NRG3: variants seen among roughly 807,000 people sequenced by gnomAD.
NRG3 encodes the protein pro-neuregulin-3, membrane-bound isoform.
Under a neutral mutation model 66.9 loss-of-function variants are expected in NRG3, and 31 were observed. The ratio of observed to expected loss-of-function variants is 0.46; its 90% CI spans 0.35 to 0.63. NRG3 has a LOEUF of 0.63. Ranked by LOEUF, NRG3 falls within the 20% of genes least tolerant of loss-of-function variation. The pLI, the probability that NRG3 is intolerant of heterozygous loss-of-function variation, is 0.00. For synonymous variants in NRG3, 393 were observed against 359.4 expected (o/e 1.09, Z -1.06); for missense variants, 910 against 878.9 (o/e 1.04, Z -0.45).
At chr10:82,555,559 A>G (rs1241968441) in intron 2 of NRG3, among the ~76,000 whole-genome samples, 1 of 152,200 alleles carries the variant, frequency 6.6e-6, no homozygotes, top group Non-Finnish European at 1.5e-5. Flanking sequence ...GTAATGGAAG[A>G]TCTAAATGGA....
At chr10:82,495,433 T>G (rs1843533805) in intron 2 of NRG3, among the ~76,000 whole-genome samples, 1 of 152,128 alleles carries the variant, frequency 6.6e-6, no homozygotes, top group African/African-American at 2.4e-5. Context: ...ATTTTTTTTT[T>G]GTCCCATATC....
chr10:82,942,169 G>A (rs1564650262), intron 4 of NRG3, among the ~76,000 whole-genome samples: 1 of 152,118 alleles, frequency 6.6e-6, no homozygotes, highest in Admixed American at 6.5e-5. Flanking sequence ...ACCTGGAGGG[G>A]ATATGGAGGT....
intron 2 of NRG3, among the ~76,000 whole-genome samples, chr10:82,668,069 CCCTT>C (rs2052943787): frequency 1.3e-5 from 2 of 152,198 alleles, no homozygotes; most frequent in South Asian, 4.1e-4. Flanking sequence ...CTCCCTCCCT[CCCTT>C]ATTTTCTTTC....
chr10:82,011,680 G>A (rs1158357695), intron 1 of NRG3, among the ~76,000 whole-genome samples: 1 of 152,142 alleles, frequency 6.6e-6, no homozygotes, highest in East Asian at 1.9e-4. Flanking sequence ...GGGAGAAATT[G>A]GCCAAAACAT....
At chr10:82,753,814 G>A (rs1256799755) in intron 3 of NRG3, among the ~76,000 whole-genome samples, 2 of 151,882 alleles carry the variant, frequency 1.3e-5, no homozygotes, top group African/African-American at 2.4e-5. Context: ...GGGCATGGTG[G>A]CACATGCATG....
At chr10:82,891,772 T>G (rs1843169288) in intron 4 of NRG3, among the ~76,000 whole-genome samples, 1 of 152,014 alleles carries the variant, frequency 6.6e-6, no homozygotes, top group South Asian at 2.1e-4. Flanking sequence ...TTTTTCTTAA[T>G]GTCTCTCTGT....
At chr10:82,058,598 G>T (rs1371093087) in intron 1 of NRG3, among the ~76,000 whole-genome samples, 3 of 151,124 alleles carry the variant, frequency 2.0e-5, no homozygotes, top group Admixed American at 2.0e-4. Context: ...GAAAAAATTA[G>T]CTTAATTTAG....
chr10:82,003,058 A>T (rs892537838), intron 1 of NRG3, among the ~76,000 whole-genome samples: 2 of 152,216 alleles, frequency 1.3e-5, no homozygotes, highest in African/African-American at 4.8e-5. Context: ...TTAGTTCAAA[A>T]GGAAGCTTAA....
chr10:81,978,317 C>G (rs2060200796), intron 1 of NRG3, among the ~76,000 whole-genome samples: 1 of 152,146 alleles, frequency 6.6e-6, no homozygotes, highest in African/African-American at 2.4e-5. Flanking sequence ...TAAATTCCTT[C>G]AATGGTGTGA....
chr10:81,983,510 T>G (rs2060411627), intron 1 of NRG3, among the ~76,000 whole-genome samples: 1 of 152,208 alleles, frequency 6.6e-6, no homozygotes, highest in Non-Finnish European at 1.5e-5. Flanking sequence ...GTCACCTAGA[T>G]CTTAGCATTA....
Position 82,358,796 on chromosome 10 carries a change from A to G in NRG3, c.881A>G (p.Asp294Gly). 1.9e-6 allele frequency: 3 copies of G among 1,614,124 alleles called. No homozygotes were observed. The highest frequency in any genetic ancestry group is 1.7e-6 in the Non-Finnish European group (2 of 1,180,022). Residue 294 changes from aspartate (D) to glycine (G), a missense_variant, in exon 2 of 9, where the codon GAC (aspartate) becomes GGC (glycine). Transcript: ENST00000372141. ...SEHFKPCRDK[D>G]LAYCLNDGEC... ...CACTTCAAACCCTGCCGAGACAAGG[A>G]CCTTGCATACTGTCTCAATGATGGC... is the stretch of plus-strand genomic sequence containing the variant.
rs1387150299 is a variant in NRG3, at chr10:82,973,774, G to A, written c.1285-14G>A. Reference sequence around the variant, plus strand: ...TATCCTTCGTCTCAACTCTGTACGTGTGATTTCCCACAGTATTCAAAGGTG... The same window carrying A: ...TATCCTTCGTCTCAACTCTGTACGTATGATTTCCCACAGTATTCAAAGGTG... On this transcript the variant is annotated splice_polypyrimidine_tract_variant and intron_variant, in intron 6 of 8. Coordinates refer to ENST00000372141, the MANE Select transcript of NRG3 (RefSeq NM_001010848.4). The A allele has an allele frequency of 6.2e-7, 1 of 1,613,848 alleles. No homozygotes were observed. The highest frequency in any genetic ancestry group is 1.7e-5 in the Admixed American group (1 of 60,014).
intron 2 of NRG3, among the ~76,000 whole-genome samples, chr10:82,588,853 C>T (rs2046827811): frequency 6.6e-6 from 1 of 152,128 alleles, no homozygotes; most frequent in Non-Finnish European, 1.5e-5. Context: ...TTTATAGCAA[C>T]AAAAAATGGC....
At chr10:82,551,321 C>T (rs1461419613) in intron 2 of NRG3, among the ~76,000 whole-genome samples, 1 of 152,014 alleles carries the variant, frequency 6.6e-6, no homozygotes, top group Non-Finnish European at 1.5e-5. Context: ...GTTACATACA[C>T]TTTGTATTTA....
At chr10:82,255,874 G>T (rs547976627) in intron 1 of NRG3, among the ~76,000 whole-genome samples, 1 of 151,916 alleles carries the variant, frequency 6.6e-6, no homozygotes, top group Admixed American at 6.6e-5. Context: ...AAACTGCTGG[G>T]ATCACATGCG....
intron 2 of NRG3, among the ~76,000 whole-genome samples, chr10:82,548,424 T>C (rs1218200576): frequency 2.0e-5 from 3 of 151,930 alleles, no homozygotes; most frequent in African/African-American, 4.8e-5. Context: ...CTGATCTATC[T>C]CATTGATACT....
intron 2 of NRG3, among the ~76,000 whole-genome samples, chr10:82,507,127 G>T (rs1156392634): frequency 6.6e-6 from 1 of 152,230 alleles, no homozygotes; most frequent in Non-Finnish European, 1.5e-5. Flanking sequence ...ATAAAACCTT[G>T]TATAATGATT....
chr10:82,985,523 T>G lies in NRG3; in HGVS notation c.2009T>G (p.Leu670Arg). ...SASENTAFLP[L>R]SPTAKSEREA... is the part of the protein sequence containing the mutation. ...AGCGAAAACACAGCCTTTCTCCCCC[T>G]GAGTCCCACAGCCAAATCAGAACGA... Residue 670 changes from leucine (L) to arginine (R), a missense_variant, in exon 9 of 9, where the codon CTG becomes CGG. Physicochemically the swap from Leu to Arg is moderately radical, Grantham distance 102. Transcript: ENST00000372141. The G allele has an allele frequency of 6.2e-7, 1 of 1,613,906 alleles. No homozygotes were observed. The highest frequency in any genetic ancestry group is 8.5e-7 in the Non-Finnish European group (1 of 1,179,922).
At chr10:82,612,424 T>G (rs1050329646) in intron 2 of NRG3, among the ~76,000 whole-genome samples, 8 of 152,284 alleles carry the variant, frequency 5.3e-5, no homozygotes, top group African/African-American at 1.7e-4. Context: ...CAATGTGATG[T>G]TAAATTTAAA....
Sources: gnomAD v4.1 joint callset for allele counts (sites outside exome capture counted in the v4.1 genomes callset) on GRCh38, gnomAD v4.1.1 for gene constraint, MANE v1.5 for transcripts, NCBI Gene and HGNC (gene_info 2026-07-23, HGNC 2026-07-21) for gene names.